UBE2J2: variants seen among roughly 807,000 people sequenced by gnomAD.
UBE2J2 encodes ubiquitin-conjugating enzyme E2 J2.
UBE2J2 carries 5 observed loss-of-function variants against 28.6 expected under a neutral mutation model. The ratio of observed to expected loss-of-function variants is 0.17; its 90% CI spans 0.09 to 0.37. The LOEUF (loss-of-function observed/expected upper bound fraction) is 0.37, where lower values mean the gene tolerates loss of function less well. Among genes scored for constraint, UBE2J2 ranks in the 10% least tolerant of loss-of-function variants. The probability of loss-of-function intolerance (pLI) is 1.00; values close to 1 mark genes in which losing one functional copy is unlikely to be tolerated. For missense variants in UBE2J2, 226 were observed against 338.9 expected (o/e 0.67, Z 2.62); for synonymous variants, 138 against 139.7 (o/e 0.99, Z 0.09).
chr1:1,263,818 C>T (rs978536013), intron 2 of UBE2J2, among the ~76,000 whole-genome samples: 6 of 146,794 alleles, frequency 4.1e-5, no homozygotes, highest in Non-Finnish European at 7.4e-5. Context: ...CATAGCAAGA[C>T]CCCACCTTTA....
At chr1:1,263,178 C>A (rs1639661433) in intron 3 of UBE2J2, 168 bp downstream of exon 3, 1 of 671,124 alleles carries the variant, frequency 1.5e-6, no homozygotes, top group Admixed American at 2.2e-5. Flanking sequence ...GCAAACACTT[C>A]CAGCGTGTGG....
Position 1,254,963 on chromosome 1 carries a change from C to G in UBE2J2, c.*240G>C. ...ACAACACGGAAGATAAGCTACAAAT[C>G]CAGCACACAAGGCCCACCCACACCA... On this transcript the variant is annotated 3_prime_UTR_variant, in exon 7 of 7. Transcript: ENST00000349431. 2.2e-6 allele frequency: 1 copy of G among 458,674 alleles called. No homozygotes were observed. The highest frequency in any genetic ancestry group is 3.9e-6 in the Non-Finnish European group (1 of 259,668). 28.4% of individuals were successfully genotyped at this position (458,674 alleles called of 1,614,324 possible). A position where few individuals can be genotyped will look rare whatever the true frequency, so the allele number is the denominator to read the frequency against.
At chr1:1,265,954 T>G (rs954424624) in intron 2 of UBE2J2, 2 of 955,504 alleles carry the variant, frequency 2.1e-6, no homozygotes, top group East Asian at 1.3e-4. Context: ...ATTTTAATGG[T>G]GAGTATTCTT....
At chr1:1,259,710 AC>A (rs924295566) in intron 3 of UBE2J2, among the ~76,000 whole-genome samples, 30 of 150,498 alleles carry the variant, frequency 2.0e-4, no homozygotes, top group African/African-American at 6.9e-4. Context: ...CCTGGTGACC[AC>A]CCCCCATGTC....
In UBE2J2 at chr1:1,268,340, T is replaced by C. The variant is rs1413524222; in HGVS notation, c.1-348A>G. On this transcript the variant is annotated intron_variant, in intron 1 of 6. Coordinates refer to ENST00000349431, the MANE Select transcript of UBE2J2 (RefSeq NM_058167.3). This position sits in a 1 kb window ranked among gnomAD's most constrained non-coding sequence, Gnocchi z 4.7. ...CGGGCCACAGCCTCAGACCAGCTCC[T>C]GAGGGCAGCTACTCGCACCTTCCAA... Among the ~76,000 whole-genome samples the C allele has an allele frequency of 6.6e-6, 1 of 152,086 alleles. No individual in the cohort carries two copies. The highest frequency in any genetic ancestry group is 1.5e-5 in the Non-Finnish European group (1 of 68,032).
chr1:1,271,218 C>T (rs572112187), intron 1 of UBE2J2, among the ~76,000 whole-genome samples: 3 of 152,362 alleles, frequency 2.0e-5, no homozygotes, highest in African/African-American at 7.2e-5. Context: ...AGTGGCATCC[C>T]CAGCTCCTGG....
chr1:1,257,393 A>ACCCCCCCCCCCCC (rs1194870542), intron 3 of UBE2J2, 83 bp from the exon 4 acceptor site: 6 of 214,400 alleles, frequency 2.8e-5, no homozygotes, highest in African/African-American at 1.6e-4. Flanking sequence ...CCCCCACGCC[A>ACCCCCCCCCCCCC]CCCCCCCCCC....
chr1:1,256,888 G>GAAAAAAA (rs57305655), intron 5 of UBE2J2, 104 bp downstream of exon 5: 8 of 513,862 alleles, frequency 1.6e-5, no homozygotes, highest in South Asian at 1.1e-4. Context: ...TCCGTCTCAA[G>GAAAAAAA]AAAAAAAAAA....
intron 3 of UBE2J2, chr1:1,262,422 G>C: frequency 2.4e-6 from 1 of 418,008 alleles, no homozygotes; most frequent in South Asian, 1.6e-5. Context: ...AGGTGTGGCT[G>C]TGTTAACTCG....
At position 1,256,992 on chromosome 1, in the gene UBE2J2, C is replaced by G. The variant is rs768438753; in HGVS notation, c.414G>C (p.Thr138=). Residue 138 remains threonine, a splice_region_variant and synonymous_variant, in exon 5 of 7, where the codon ACG becomes ACC. Coordinates refer to ENST00000349431, the MANE Select transcript of UBE2J2 (RefSeq NM_058167.3). ...ACCAGGGAGAGGCTCTAAAACTTAC[C>G]GTGAAGTCCGACGTCTCTATACTGC... ...TLGSIETSDF[T]KRQLAVQSLA... The G allele has an allele frequency of 9.7e-6, 15 of 1,545,842 alleles. No individual in the cohort carries two copies. The highest frequency in any genetic ancestry group is 7.2e-5 in the South Asian group (6 of 83,114).
chr1:1,257,357 G>C, intron 3 of UBE2J2, 47 bp from the exon 4 acceptor site: 2 of 1,290,240 alleles, frequency 1.6e-6, no homozygotes, highest in Non-Finnish European at 2.2e-6. Context: ...GCCACAGCAG[G>C]GGCTCCTGGA....
intron 1 of UBE2J2, 89 bp downstream of exon 1, chr1:1,273,577 C>A (rs1347601251): frequency 2.0e-5 from 3 of 151,702 alleles, no homozygotes; most frequent in Admixed American, 1.3e-4. Context: ...CGCAGGGTCC[C>A]CAGCAGCCCC....
At chr1:1,255,669 T>C (rs1469673015) in intron 6 of UBE2J2, among the ~76,000 whole-genome samples, 182 bp from the exon 7 acceptor site, 1 of 152,138 alleles carries the variant, frequency 6.6e-6, no homozygotes, top group Non-Finnish European at 1.5e-5. Flanking sequence ...CTGTGCCCCT[T>C]GGCCCCTGCA....
At chr1:1,259,503 T>C (rs1488274448) in intron 3 of UBE2J2, among the ~76,000 whole-genome samples, 1 of 152,226 alleles carries the variant, frequency 6.6e-6, no homozygotes, top group Non-Finnish European at 1.5e-5. Context: ...CCACCCTGTG[T>C]AGGATGCAGC....
chr1:1,266,944 A>G (rs1639903132), intron 2 of UBE2J2, among the ~76,000 whole-genome samples: 1 of 151,646 alleles, frequency 6.6e-6, no homozygotes, highest in Non-Finnish European at 1.5e-5. Flanking sequence ...GTTGGAGTGC[A>G]GTGGTGTGAT....
chr1:1,256,304 A>G, intron 5 of UBE2J2, 179 bp from the exon 6 acceptor site: 1 of 546,610 alleles, frequency 1.8e-6, no homozygotes, highest in Non-Finnish European at 3.3e-6. Context: ...TCTTCCCCCC[A>G]TCAATTCATG....
intron 2 of UBE2J2, among the ~76,000 whole-genome samples, chr1:1,267,227 G>C (rs1451819694): frequency 6.6e-6 from 1 of 152,100 alleles, no homozygotes; most frequent in East Asian, 1.9e-4. Flanking sequence ...TAGCAGACCT[G>C]TAATGGCAGT....
intron 2 of UBE2J2, among the ~76,000 whole-genome samples, chr1:1,266,655 A>G (rs1224285971): frequency 1.3e-5 from 2 of 151,352 alleles, no homozygotes; most frequent in Admixed American, 6.6e-5. Flanking sequence ...CCCCGTCTCT[A>G]CTAAAAATAC....
In UBE2J2 at chr1:1,259,658, C is replaced by T. The variant is rs540172956; in HGVS notation, c.173-2348G>A. 1.1e-3 allele frequency among the ~76,000 whole-genome samples: 162 copies of T among 152,316 alleles called. 3 individuals carry two copies. Among genetic ancestry groups the T allele is most frequent in the South Asian group, 6.8e-3 (33 of 4,830 alleles). On this transcript the variant is annotated intron_variant, in intron 3 of 6. Coordinates refer to ENST00000349431, the MANE Select transcript of UBE2J2 (RefSeq NM_058167.3). ...ACAATTTTCAGTTCACATCCCCCTTCCTCGAGCTGATCCACCCAGACGCCC... is the reference window on the plus strand; with the variant it reads ...ACAATTTTCAGTTCACATCCCCCTTTCTCGAGCTGATCCACCCAGACGCCC...
Sources: gnomAD v4.1 joint callset for allele counts (sites outside exome capture counted in the v4.1 genomes callset) on GRCh38, gnomAD v4.1.1 for gene constraint, Gnocchi (gnomAD v3.1) non-coding constraint, MANE v1.5 for transcripts, NCBI Gene and HGNC (gene_info 2026-07-23, HGNC 2026-07-21) for gene names.